CELF2: variants seen among roughly 807,000 people sequenced by gnomAD.
CELF2 encodes the protein CUG triplet repeat RNA-binding protein 2.
CELF2 carries 8 observed loss-of-function variants against 62.6 expected under a neutral mutation model. The observed-to-expected ratio is 0.13, with a 90% CI of 0.07 to 0.23. The LOEUF is 0.23. Ranked by LOEUF, CELF2 falls within the 10% of genes least tolerant of loss-of-function variation. The probability of loss-of-function intolerance (pLI) is 1.00; values close to 1 mark genes in which losing one functional copy is unlikely to be tolerated. For missense variants in CELF2, 333 were observed against 671.0 expected (o/e 0.50, Z 5.56); for synonymous variants, 258 against 250.0 (o/e 1.03, Z -0.30).
At chr10:10,977,970 T>A (rs536455976) in intron 2 of CELF2, among the ~76,000 whole-genome samples, 2 of 152,254 alleles carry the variant, frequency 1.3e-5, no homozygotes, top group African/African-American at 4.8e-5. Context: ...CTTGTGCTAT[T>A]ACATAGAAGT....
chr10:11,203,695 C>A (rs976121175), intron 2 of CELF2, among the ~76,000 whole-genome samples: 2 of 152,192 alleles, frequency 1.3e-5, no homozygotes, highest in Non-Finnish European at 2.9e-5. Flanking sequence ...TGATCGCTGT[C>A]AAATCTAGAA....
chr10:10,600,606 G>A, the CELF2 span, among the ~76,000 whole-genome samples: 13 of 152,300 alleles, frequency 8.5e-5, no homozygotes, highest in Admixed American at 5.2e-4. Context: ...GATATGGGAA[G>A]AGGAGACAAA....
intron 1 of CELF2, among the ~76,000 whole-genome samples, chr10:11,033,731 C>T (rs1183499596): frequency 6.6e-6 from 1 of 152,110 alleles, no homozygotes; most frequent in African/African-American, 2.4e-5. Context: ...CTTGTGAGCC[C>T]CTACAGTGGC....
rs1229081186 is a variant in CELF2 at position 11,083,518 on chromosome 10, C to G, written c.74+65355C>G. ...CCAGCCTATCAAGGATGGAAAATAG[C>G]TTGGGTCTTCTATGAAAGTTTTTAC... On this transcript the variant is annotated intron_variant, in intron 1 of 12. Transcript: ENST00000633077. Among the ~76,000 whole-genome samples, 7 of 152,150 alleles carry G rather than the reference C, an allele frequency of 4.6e-5. No individual in the cohort carries two copies. In the South Asian group the frequency reaches 1.0e-3, roughly 23 times the overall value.
the CELF2 span, among the ~76,000 whole-genome samples, chr10:10,652,710 C>G: frequency 1.3e-5 from 2 of 151,880 alleles, no homozygotes; most frequent in African/African-American, 2.4e-5. Flanking sequence ...CCTAAAAGAG[C>G]TCCTGAAGGA....
Position 10,967,093 on chromosome 10 carries a change from A to G in CELF2, c.89+47094A>G, listed in dbSNP as rs188270791. On this transcript the variant is annotated intron_variant, in intron 2 of 13. Coordinates refer to the CELF2 transcript ENST00000636488. ...CGAACAAAAGTACCAAAGTAGGTTC[A>G]CGGAGACTCCGGTGCTGCCACGTGG... 2.1e-3 allele frequency among the ~76,000 whole-genome samples: 323 copies of G among 152,352 alleles called. 6 individuals carry two copies. The highest frequency in any genetic ancestry group is 0.019 in the Admixed American group (293 of 15,306).
At chr10:11,120,846 G>A (rs1283666976) in intron 1 of CELF2, among the ~76,000 whole-genome samples, 4 of 152,194 alleles carry the variant, frequency 2.6e-5, no homozygotes, top group African/African-American at 4.8e-5. Flanking sequence ...TACAGTTAGC[G>A]CTGAGGCTCT....
At chr10:11,188,589 A>C (rs1185593055) in intron 2 of CELF2, among the ~76,000 whole-genome samples, 1 of 151,766 alleles carries the variant, frequency 6.6e-6, no homozygotes, top group African/African-American at 2.4e-5. Context: ...GGTTTGAGTA[A>C]TTTGATTATG....
In CELF2 at chr10:11,214,273, TC is replaced by T. The variant is rs992115809; in HGVS notation, c.272-3150del. On this transcript the variant is annotated intron_variant, in intron 2 of 12. Coordinates refer to ENST00000633077, the MANE Select transcript of CELF2 (RefSeq NM_001326342.2). This position sits in a 1 kb window ranked among gnomAD's most constrained non-coding sequence, Gnocchi z 4.2. ...TTCCAGCCAGGACAACAGAGTGACA[TC>T]CTGTCTCAAAAATAAATAAATTTTT... 2.0e-5 allele frequency among the ~76,000 whole-genome samples: 3 copies of T among 152,096 alleles called. No homozygotes were observed. Among genetic ancestry groups the T allele is most frequent in the African/African-American group, 7.2e-5 (3 of 41,414 alleles).
At chr10:10,478,542 C>G in the CELF2 span, among the ~76,000 whole-genome samples, 1 of 152,058 alleles carries the variant, frequency 6.6e-6, no homozygotes, top group African/African-American at 2.4e-5. Flanking sequence ...CTAAATGTGC[C>G]TAAATCTAAA....
chr10:11,128,310 A>G (rs1011332953), intron 1 of CELF2, among the ~76,000 whole-genome samples: 1 of 152,162 alleles, frequency 6.6e-6, no homozygotes, highest in African/African-American at 2.4e-5. Flanking sequence ...GAAGTCAGGT[A>G]GTGTGATGCC....
chr10:11,312,245 A>G (rs1591294532), intron 9 of CELF2, among the ~76,000 whole-genome samples: 1 of 152,370 alleles, frequency 6.6e-6, no homozygotes, highest in African/African-American at 2.4e-5. Context: ...CTTTTTCACC[A>G]ATAGACCCTC....
intron 3 of CELF2, among the ~76,000 whole-genome samples, chr10:11,235,161 A>G (rs943753465): frequency 6.8e-6 from 1 of 146,892 alleles, no homozygotes; most frequent in African/African-American, 2.4e-5. Context: ...AGACATAAAG[A>G]CAAAAAAAAC....
chr10:11,181,800 C>T (rs1387041722), intron 2 of CELF2, among the ~76,000 whole-genome samples: 1 of 152,212 alleles, frequency 6.6e-6, no homozygotes, highest in African/African-American at 2.4e-5. Flanking sequence ...TGCCTTAAAA[C>T]AGTGAAGAAC....
At chr10:10,623,992 T>C in the CELF2 span, among the ~76,000 whole-genome samples, 1 of 152,170 alleles carries the variant, frequency 6.6e-6, no homozygotes, top group Non-Finnish European at 1.5e-5. Flanking sequence ...CTGATAAGAC[T>C]ATGATAAAAC....
chr10:10,528,661 AC>A, the CELF2 span, among the ~76,000 whole-genome samples: 4 of 152,086 alleles, frequency 2.6e-5, no homozygotes, highest in African/African-American at 9.7e-5. Context: ...CTTTTCTATG[AC>A]CGCTCATCCT....
chr10:10,856,534 T>C (rs2059720260), intron 1 of CELF2, among the ~76,000 whole-genome samples: 1 of 152,204 alleles, frequency 6.6e-6, no homozygotes, highest in African/African-American at 2.4e-5. Context: ...CTGAAATCAT[T>C]TGATCAGATA....
At chr10:10,945,802 T>C (rs970973814) in intron 2 of CELF2, among the ~76,000 whole-genome samples, 1 of 152,144 alleles carries the variant, frequency 6.6e-6, no homozygotes, top group Non-Finnish European at 1.5e-5. Flanking sequence ...CACTCCAGGA[T>C]AGAAGCCCCA....
At chr10:11,271,206 C>A (rs760097077) in intron 7 of CELF2, among the ~76,000 whole-genome samples, 3 of 152,238 alleles carry the variant, frequency 2.0e-5, no homozygotes, top group Non-Finnish European at 4.4e-5. Context: ...AACTTCCATT[C>A]CATGATCCTG....
Sources: allele counts gnomAD v4.1 joint callset (sites outside exome capture counted in the v4.1 genomes callset), GRCh38; gene constraint gnomAD v4.1.1; non-coding constraint Gnocchi (gnomAD v3.1); transcripts MANE v1.5; gene names NCBI Gene and HGNC (gene_info 2026-07-23, HGNC 2026-07-21).